CORO1C: variants seen among roughly 807,000 people sequenced by gnomAD.
The protein encoded by CORO1C is coronin-1C.
Under a neutral mutation model 51.2 loss-of-function variants are expected in CORO1C, and 14 were observed. That is an observed-to-expected ratio of 0.27 (90% CI 0.18 to 0.43). The LOEUF is 0.43. CORO1C is among the 20% of genes least tolerant of loss of function. The pLI, the probability that CORO1C is intolerant of heterozygous loss-of-function variation, is 1.00. For missense variants in CORO1C, 417 were observed against 607.8 expected, an observed-to-expected ratio of 0.69 and a Z score of 3.30; for synonymous variants, 181 against 210.5, an observed-to-expected ratio of 0.86 and a Z score of 1.21.
chr12:108,675,451 CA>C (rs1416219968), intron 3 of CORO1C, among the ~76,000 whole-genome samples: 11 of 151,812 alleles, frequency 7.2e-5, no homozygotes, highest in Admixed American at 5.2e-4. Flanking sequence ...TTGAACCCAT[CA>C]AATATGTTCA....
At chr12:108,704,162 A>G in intron 1 of CORO1C, among the ~76,000 whole-genome samples, 1 of 152,218 alleles carries the variant, frequency 6.6e-6, no homozygotes, top group East Asian at 1.9e-4. Context: ...CTTCTGGCTG[A>G]CATACATACT....
intron 1 of CORO1C, among the ~76,000 whole-genome samples, chr12:108,722,831 C>T (rs2035505143): frequency 6.6e-6 from 1 of 152,174 alleles, no homozygotes; most frequent in Non-Finnish European, 1.5e-5. Flanking sequence ...GTTATTTGTT[C>T]TACTTGATAA....
chr12:108,692,514 T>C (rs1282914993), intron 2 of CORO1C, among the ~76,000 whole-genome samples: 1 of 152,210 alleles, frequency 6.6e-6, no homozygotes, highest in Non-Finnish European at 1.5e-5. Context: ...AGAAAAGCAC[T>C]GTCAGGAGAC....
intron 2 of CORO1C, among the ~76,000 whole-genome samples, chr12:108,696,101 A>G (rs979574484): frequency 6.6e-6 from 1 of 152,166 alleles, no homozygotes. Flanking sequence ...TCATGACCCA[A>G]AAAGCTAACA....
chr12:108,691,113 A>G (rs55939346), intron 2 of CORO1C, among the ~76,000 whole-genome samples: 43,550 of 151,828 alleles, frequency 0.29, 7,571 homozygotes, highest in South Asian at 0.44. Flanking sequence ...GGGAGGGGCT[A>G]ATGCCTTGGG....
intron 1 of CORO1C, among the ~76,000 whole-genome samples, chr12:108,724,217 A>G (rs1231152787): frequency 6.6e-6 from 1 of 152,248 alleles, no homozygotes; most frequent in Non-Finnish European, 1.5e-5. Context: ...AAACTCCGTG[A>G]ATAGGCTTGG....
intron 2 of CORO1C, chr12:108,700,849 C>A: frequency 3.2e-6 from 1 of 307,734 alleles, no homozygotes. Flanking sequence ...AGAATGAAAT[C>A]TTAAAATTCC....
intron 2 of CORO1C, among the ~76,000 whole-genome samples, chr12:108,694,017 G>A (rs1050413346): frequency 8.5e-5 from 13 of 152,140 alleles, no homozygotes; most frequent in African/African-American, 1.9e-4. Flanking sequence ...GAACCTAGCC[G>A]GGTGTGGTGG....
At chr12:108,698,876 G>A (rs1049898290) in intron 2 of CORO1C, among the ~76,000 whole-genome samples, 13 of 152,138 alleles carry the variant, frequency 8.5e-5, no homozygotes, top group African/African-American at 2.4e-5. Context: ...CCACATTGAC[G>A]CTAAGAGCTA....
chr12:108,656,371 CGGGA>C lies in CORO1C; in HGVS notation c.750+929_750+932del, dbSNP rs576629432. 6.2e-3 allele frequency among the ~76,000 whole-genome samples: 931 copies of C among 149,768 alleles called. 6 individuals are homozygous for C. Among genetic ancestry groups the C allele is most frequent in the Non-Finnish European group, 9.7e-3 (650 of 67,118 alleles). Reference sequence around the variant, plus strand: ...CCCCCACCCGGCCAGCCGCCCCGTCCGGGAGGGAGGTGGGGGGGCAGCCCCCGCC... The same window carrying C: ...CCCCCACCCGGCCAGCCGCCCCGTCCGGGAGGTGGGGGGGCAGCCCCCGCC... On this transcript the variant is annotated intron_variant, in intron 6 of 10. Transcript: ENST00000261401.
Position 108,705,816 on chromosome 12 carries a change from A to G in CORO1C, c.-5-4493T>C, listed in dbSNP as rs146112964. On this transcript the variant is annotated intron_variant, in intron 1 of 10. Transcript: ENST00000261401. ...TATCCTAGGAATGCGAGGTTGGGTCAACATCTGAAAATCAATTAACGTAAC... is the reference window on the plus strand; with the variant it reads ...TATCCTAGGAATGCGAGGTTGGGTCGACATCTGAAAATCAATTAACGTAAC... Among the ~76,000 whole-genome samples the G allele has an allele frequency of 5.7e-3, 872 of 152,362 alleles. 13 individuals carry two copies. The highest frequency in any genetic ancestry group is 0.02 in the African/African-American group (824 of 41,588).
chr12:108,666,400 T>C (rs769696515), intron 3 of CORO1C, among the ~76,000 whole-genome samples: 1 of 152,134 alleles, frequency 6.6e-6, no homozygotes, highest in Non-Finnish European at 1.5e-5. Context: ...GGGGGTGGTG[T>C]TCTCTACGGT....
chr12:108,706,601 A>AT lies in CORO1C; in HGVS notation c.-5-5279dup, dbSNP rs966707785. Among the ~76,000 whole-genome samples, 336 of 148,978 alleles carry AT rather than the reference A, an allele frequency of 2.3e-3. 1 individual carries two copies. Among genetic ancestry groups the AT allele is most frequent in the African/African-American group, 7.5e-3 (305 of 40,792 alleles). ...GATACAAGATTAATATATAAAAATC[A>AT]TTTTTTTTTTTAAGATGGAGTCTTG... On this transcript the variant is annotated intron_variant, in intron 1 of 10. Coordinates refer to ENST00000261401, the MANE Select transcript of CORO1C (RefSeq NM_014325.4).
chr12:108,676,010 T>C (rs2033895504), intron 3 of CORO1C, among the ~76,000 whole-genome samples: 1 of 152,148 alleles, frequency 6.6e-6, no homozygotes, highest in South Asian at 2.1e-4. Flanking sequence ...ATAGATAAAT[T>C]GTAGGGAAAA....
At chr12:108,703,897 A>G (rs2034952214) in intron 1 of CORO1C, among the ~76,000 whole-genome samples, 2 of 152,128 alleles carry the variant, frequency 1.3e-5, no homozygotes, top group African/African-American at 4.8e-5. Flanking sequence ...CTTACCCCAC[A>G]AGAGATCAGA....
chr12:108,690,712 G>C (rs561780364), intron 2 of CORO1C, among the ~76,000 whole-genome samples: 1 of 152,258 alleles, frequency 6.6e-6, no homozygotes, highest in South Asian at 2.1e-4. Flanking sequence ...GCTCATTATT[G>C]CAGACAAGTA....
chr12:108,694,017 G>C (rs1050413346), intron 2 of CORO1C, among the ~76,000 whole-genome samples: 1 of 152,140 alleles, frequency 6.6e-6, no homozygotes, highest in African/African-American at 2.4e-5. Context: ...GAACCTAGCC[G>C]GGTGTGGTGG....
At chr12:108,698,344 T>C (rs999037017) in intron 2 of CORO1C, among the ~76,000 whole-genome samples, 2 of 152,252 alleles carry the variant, frequency 1.3e-5, no homozygotes, top group African/African-American at 2.4e-5. Context: ...AATCACTTCA[T>C]AGCTGAGAAC....
In CORO1C at chr12:108,701,321, T is replaced by C; in HGVS notation, c.-3A>G. 6.2e-7 allele frequency: 1 copy of C among 1,614,202 alleles called. No homozygotes were observed. Among genetic ancestry groups the C allele is most frequent in the East Asian group, 2.2e-5 (1 of 44,892 alleles). On this transcript the variant is annotated splice_region_variant and 5_prime_UTR_variant, in exon 2 of 11. Transcript: ENST00000261401. Reference sequence around the variant, plus strand: ...CTCTGTCGTACCACTCGCCTCATCGTGTCTGCAAAGGAAGAGTGAGAATTA... The same window carrying C: ...CTCTGTCGTACCACTCGCCTCATCGCGTCTGCAAAGGAAGAGTGAGAATTA...
Sources: gnomAD v4.1 joint callset for allele counts (sites outside exome capture counted in the v4.1 genomes callset) on GRCh38, gnomAD v4.1.1 for gene constraint, MANE v1.5 for transcripts, NCBI Gene and HGNC (gene_info 2026-07-23, HGNC 2026-07-21) for gene names.